ENTPD2: variants seen among roughly 807,000 people sequenced by gnomAD.
ENTPD2 encodes the protein CD39 antigen-like 1.
Under a neutral mutation model 46.8 loss-of-function variants are expected in ENTPD2, and 48 were observed. The ratio of observed to expected loss-of-function variants is 1.03; its 90% CI spans 0.81 to 1.30. The LOEUF (loss-of-function observed/expected upper bound fraction) is 1.30. Among genes scored for constraint, ENTPD2 ranks in the 50% most tolerant of loss-of-function variants. The pLI, the probability that ENTPD2 is intolerant of heterozygous loss-of-function variation, is 0.00. For missense variants in ENTPD2, 707 were observed against 651.1 expected (o/e 1.09, Z -0.93); for synonymous variants, 316 against 286.1 (o/e 1.10, Z -1.06).
chr9:137,049,748 C>G, intron 7 of ENTPD2, 122 bp downstream of exon 7: 2 of 1,173,158 alleles, frequency 1.7e-6, no homozygotes, highest in Non-Finnish European at 2.4e-6. Context: ...AGCCTAATGC[C>G]TGCCATCGCC....
intron 7 of ENTPD2, 168 bp from the exon 8 acceptor site, chr9:137,049,243 G>A (rs1390315464): frequency 1.7e-6 from 2 of 1,173,324 alleles, no homozygotes; most frequent in Non-Finnish European, 2.4e-6. Context: ...CGAGTCCGAG[G>A]GGCACCCCCG....
At chr9:137,049,171 G>T in intron 7 of ENTPD2, 96 bp from the exon 8 acceptor site, 3 of 1,524,436 alleles carry the variant, frequency 2.0e-6, no homozygotes, top group Non-Finnish European at 2.6e-6. Flanking sequence ...CCCCTCCCCA[G>T]ACACACACGG....
At chr9:137,050,612 G>T in intron 5 of ENTPD2, 74 bp from the exon 6 acceptor site, 2 of 1,544,046 alleles carry the variant, frequency 1.3e-6, no homozygotes, top group Non-Finnish European at 1.7e-6. Flanking sequence ...CCTCCCACAG[G>T]TCTCACTCTG....
In ENTPD2 at chr9:137,051,678, G is replaced by T; in HGVS notation, c.236-18C>A. 6.2e-7 allele frequency: 1 copy of T among 1,602,046 alleles called. No individual in the cohort carries two copies. The highest frequency in any genetic ancestry group is 8.5e-7 in the Non-Finnish European group (1 of 1,174,898). On this transcript the variant is annotated intron_variant, in intron 2 of 8. Transcript: ENST00000355097. Reference sequence around the variant, plus strand: ...GCCCCCACCTAGAGGGAGGCAGAGAGATGAGCCTATGCCTCACGGGCAGCC... The same window carrying T: ...GCCCCCACCTAGAGGGAGGCAGAGATATGAGCCTATGCCTCACGGGCAGCC...
In ENTPD2 at chr9:137,049,551, G is replaced by T. The variant is rs980045356; in HGVS notation, c.1149+319C>A. The T allele has an allele frequency of 3.9e-5, 17 of 439,178 alleles. No homozygotes were observed. The Admixed American group carries it at 5.7e-4, about 15-fold the overall frequency. The allele number at this position is 439,178 out of a possible 1,614,324, so 27.2% of individuals were successfully genotyped here. A position where few individuals can be genotyped will look rare whatever the true frequency, so the allele number is the denominator to read the frequency against. On this transcript the variant is annotated intron_variant, in intron 7 of 8. Transcript: ENST00000355097. ...AGTCTCCGGTGGGCACACTCCCGGT[G>T]CCCAGACCCACTTCCATCTTCCCTT...
At chr9:137,052,915 G>A (rs1254767359) in intron 1 of ENTPD2, 2 of 152,258 alleles carry the variant, frequency 1.3e-5, no homozygotes, top group African/African-American at 4.8e-5. Context: ...TCCAAGCCAG[G>A]GCCAGAGAGA....
Position 137,048,283 on chromosome 9 carries a change from G to T in ENTPD2, c.*374C>A. 1 of 204,332 alleles carries T rather than the reference G, an allele frequency of 4.9e-6. No individual in the cohort carries two copies. Among genetic ancestry groups the T allele is most frequent in the Non-Finnish European group, 1.0e-5 (1 of 100,228 alleles). The allele number at this position is 204,332 out of a possible 1,614,324, so 12.7% of individuals were successfully genotyped here. On this transcript the variant is annotated 3_prime_UTR_variant, in exon 9 of 9. Transcript: ENST00000355097. ...GACCCAGCCCTGAGGAGGAGGAGGAGGAGCACGGGGCCTGCAGTGATGCCC... is the reference window on the plus strand; with the variant it reads ...GACCCAGCCCTGAGGAGGAGGAGGATGAGCACGGGGCCTGCAGTGATGCCC...
At chr9:137,051,836 C>A (rs1588556509) in intron 2 of ENTPD2, among the ~76,000 whole-genome samples, 176 bp from the exon 3 acceptor site, 1 of 152,186 alleles carries the variant, frequency 6.6e-6, no homozygotes, top group East Asian at 1.9e-4. Context: ...AGGTGCCACC[C>A]GGAGACCAAG....
intron 3 of ENTPD2, 66 bp from the exon 4 acceptor site, chr9:137,051,436 C>G (rs1430319901): frequency 6.5e-7 from 1 of 1,542,006 alleles, no homozygotes; most frequent in African/African-American, 1.4e-5. Flanking sequence ...TGTAGGGGTG[C>G]TCGGAGTCCG....
rs534311746 is a variant in ENTPD2, at chr9:137,052,005, C to A, written c.235+226G>T. On this transcript the variant is annotated intron_variant, in intron 2 of 8. Coordinates refer to ENST00000355097, the MANE Select transcript of ENTPD2 (RefSeq NM_203468.3). ...GCACAGAAGCCAATACTGGGCCCGGCGAGGCTCAAACCTCCCCACCTGCTG... is the reference window on the plus strand; with the variant it reads ...GCACAGAAGCCAATACTGGGCCCGGAGAGGCTCAAACCTCCCCACCTGCTG... Among the ~76,000 whole-genome samples, 210 of 152,246 alleles carry A rather than the reference C, an allele frequency of 1.4e-3. 1 individual carries two copies. The highest frequency in any genetic ancestry group is 5.0e-3 in the African/African-American group (206 of 41,560).
Position 137,048,513 on chromosome 9 carries a change from G to C in ENTPD2, c.*144C>G. On this transcript the variant is annotated 3_prime_UTR_variant, in exon 9 of 9. Coordinates refer to ENST00000355097, the MANE Select transcript of ENTPD2 (RefSeq NM_203468.3). Reference sequence around the variant, plus strand: ...GGTGGGTGGAGGAATGCAGGATACAGGGGCGGGGAGAGAGGTTGGGAGAGG... The same window carrying C: ...GGTGGGTGGAGGAATGCAGGATACACGGGCGGGGAGAGAGGTTGGGAGAGG... The C allele has an allele frequency of 1.6e-6, 1 of 615,664 alleles. No individual in the cohort carries two copies. Among genetic ancestry groups the C allele is most frequent in the East Asian group, 3.1e-5 (1 of 32,202 alleles). The allele number at this position is 615,664 out of a possible 1,614,324, so 38.1% of individuals were successfully genotyped here.
At position 137,051,314 on chromosome 9, in the gene ENTPD2, G is replaced by A. The variant is rs761509448; in HGVS notation, c.443C>T (p.Thr148Ile). 3 of 1,601,946 alleles carry A rather than the reference G, an allele frequency of 1.9e-6. No homozygotes were observed. Among genetic ancestry groups the A allele is most frequent in the Non-Finnish European group, 2.6e-6 (3 of 1,173,316 alleles). The stretch of plus-strand genomic sequence containing the variant: ...ACCCCGGAAGTCAAAGGGGTACTGG[G>A]TCAGTGTGTGAGTCACTGCCATGAG... ...SVLMAVTHTL[T>I]QYPFDFRGAR... The change falls in exon 4 of 9, where the codon ACC becomes ATC. Residue 148 changes from threonine (T) to isoleucine (I), a missense_variant. Coordinates refer to ENST00000355097, the MANE Select transcript of ENTPD2 (RefSeq NM_203468.3).
chr9:137,049,670 G>C lies in ENTPD2; in HGVS notation c.1149+200C>G, dbSNP rs891557520. Reference sequence around the variant, plus strand: ...AGATCTGGGATGAGGGTCGGGCCTGGCGAAGCTTCTCCAACCCGCCCGACT... The same window carrying C: ...AGATCTGGGATGAGGGTCGGGCCTGCCGAAGCTTCTCCAACCCGCCCGACT... On this transcript the variant is annotated intron_variant, in intron 7 of 8. Transcript: ENST00000355097. 56 of 589,676 alleles carry C rather than the reference G, an allele frequency of 9.5e-5. No individual in the cohort carries two copies. In the African/African-American group the frequency reaches 9.6e-4, roughly 10 times the overall value. 36.5% of individuals were successfully genotyped at this position (589,676 alleles called of 1,614,324 possible). A position where few individuals can be genotyped will look rare whatever the true frequency, so the allele number is the denominator to read the frequency against.
rs200918154 is a variant in ENTPD2 at position 137,051,293 on chromosome 9, C to T, written c.464G>A (p.Arg155Gln). Reference sequence around the variant, plus strand: ...CTGGCCCGAGAGGATGCGTGCACCCCGGAAGTCAAAGGGGTACTGGGTCAG... The same window carrying T: ...CTGGCCCGAGAGGATGCGTGCACCCTGGAAGTCAAAGGGGTACTGGGTCAG... ...HTLTQYPFDF[R>Q]GARILSGQEE... The change falls in exon 4 of 9, where the codon CGG becomes CAG. Residue 155 changes from arginine to glutamine, a missense_variant. Physicochemically the swap from Arg to Gln is conservative, Grantham distance 43. Transcript: ENST00000355097. 2.3e-5 allele frequency: 37 copies of T among 1,609,646 alleles called. No homozygotes were observed. The highest frequency in any genetic ancestry group is 1.2e-4 in the Admixed American group (7 of 59,752).
chr9:137,049,459 C>T, intron 7 of ENTPD2: 1 of 478,450 alleles, frequency 2.1e-6, no homozygotes, highest in Non-Finnish European at 3.8e-6. Context: ...GAGACTAGGC[C>T]CTGGGAGGAC....
In ENTPD2 at chr9:137,050,766, C is replaced by T. The variant is rs566324002; in HGVS notation, c.774+136G>A. ...CCAGCCCAGCCACTGGGCCTTTGCT[C>T]ATGCTCTGACCCTCCCACCTGTCTT... On this transcript the variant is annotated intron_variant, in intron 5 of 8. Transcript: ENST00000355097. The T allele has an allele frequency of 4.9e-5, 63 of 1,298,382 alleles. No individual in the cohort carries two copies. The East Asian group carries it at 1.3e-3, about 27-fold the overall frequency. The allele number at this position is 1,298,382 out of a possible 1,614,324, so 80.4% of individuals were successfully genotyped here. A position where few individuals can be genotyped will look rare whatever the true frequency, so the allele number is the denominator to read the frequency against.
intron 7 of ENTPD2, 49 bp from the exon 8 acceptor site, chr9:137,049,124 CG>C (rs758258946): frequency 5.2e-6 from 8 of 1,532,264 alleles, no homozygotes; most frequent in South Asian, 1.2e-5. Context: ...CAGGAGGTCT[CG>C]GCCCCACGGG....
chr9:137,054,053 G>C lies in ENTPD2; in HGVS notation c.-56C>G. The C allele has an allele frequency of 2.6e-6, 3 of 1,133,424 alleles. No homozygotes were observed. The highest frequency in any genetic ancestry group is 3.3e-6 in the Non-Finnish European group (3 of 909,104). The allele number at this position is 1,133,424 out of a possible 1,614,324, so 70.2% of individuals were successfully genotyped here. On this transcript the variant is annotated 5_prime_UTR_variant, in exon 1 of 9. Coordinates refer to ENST00000355097, the MANE Select transcript of ENTPD2 (RefSeq NM_203468.3). ...TGGACCCGGAGAGTGCGGGGAGCCGGAGGCGGAGGCGGGCGGGGCCGCGGG... is the reference window on the plus strand; with the variant it reads ...TGGACCCGGAGAGTGCGGGGAGCCGCAGGCGGAGGCGGGCGGGGCCGCGGG...
At position 137,048,795 on chromosome 9, in the gene ENTPD2, G is replaced by A. The variant is rs763590098; in HGVS notation, c.1350C>T (p.Ala450=). The change falls in exon 9 of 9, where the codon GCC becomes GCT. Residue 450 remains alanine, a synonymous_variant. Transcript: ENST00000355097. ...TGCCCTTGCGCAGCCCCGGCGGGTC[G>A]GCGGGGATCAGGTTGGTCAGGTTCA... ...YMLNLTNLIP[A]DPPGLRKGTD... The A allele has an allele frequency of 5.2e-5, 83 of 1,585,118 alleles. No homozygotes were observed. Among genetic ancestry groups the A allele is most frequent in the Non-Finnish European group, 6.9e-5 (80 of 1,165,074 alleles).
Sources: gnomAD v4.1 joint callset for allele counts (sites outside exome capture counted in the v4.1 genomes callset) on GRCh38, gnomAD v4.1.1 for gene constraint, MANE v1.5 for transcripts, NCBI Gene and HGNC (gene_info 2026-07-23, HGNC 2026-07-21) for gene names.